The following ELF1 variants were observed in gnomAD, a reference collection of about 807,000 sequenced individuals.
The protein encoded by ELF1 is E74 like ETS transcription factor 1, also known as ETS-related transcription factor Elf-1.
A neutral mutation model predicts 59.9 loss-of-function variants in ELF1; 24 were observed. That is an observed-to-expected ratio of 0.40 (90% confidence interval 0.29 to 0.56). The LOEUF (loss-of-function observed/expected upper bound fraction) is 0.56, where lower values mean the gene tolerates loss of function less well. ELF1 is among the 20% of genes least tolerant of loss of function. ELF1 has a pLI of 0.44. For synonymous variants in ELF1, 248 were observed against 266.2 expected, an observed-to-expected ratio of 0.93 and a Z score of 0.67; for missense variants, 627 against 742.2, an observed-to-expected ratio of 0.84 and a Z score of 1.80.
At chr13:41,045,510 AAAG>A (rs1257060643) in intron 1 of ELF1, among the ~76,000 whole-genome samples, 1 of 152,196 alleles carries the variant, frequency 6.6e-6, no homozygotes, top group African/African-American at 2.4e-5. Context: ...CATTGGTTTC[AAAG>A]AACATGTTTA....
chr13:41,033,446 C>G (rs1876251343), intron 1 of ELF1, among the ~76,000 whole-genome samples: 1 of 152,100 alleles, frequency 6.6e-6, no homozygotes, highest in Non-Finnish European at 1.5e-5. Context: ...CCATACTTAG[C>G]AATAAAATGG....
intron 1 of ELF1, among the ~76,000 whole-genome samples, chr13:41,039,798 C>G (rs1341643574): frequency 6.6e-6 from 1 of 152,098 alleles, no homozygotes; most frequent in African/African-American, 2.4e-5. Flanking sequence ...AAAATTTCAA[C>G]TTTGCTGTGT....
chr13:40,982,158 G>C lies in ELF1; in HGVS notation c.-104C>G. On this transcript the variant is annotated 5_prime_UTR_variant, in exon 2 of 9. Coordinates refer to ENST00000239882, the MANE Select transcript of ELF1 (RefSeq NM_172373.4). Reference sequence around the variant, plus strand: ...ATTTGGGTAAAAAACCCTCAGCTCTGTCTGTGGAGTAATTGTATACCCAAG... The same window carrying C: ...ATTTGGGTAAAAAACCCTCAGCTCTCTCTGTGGAGTAATTGTATACCCAAG... 6.9e-7 allele frequency: 1 copy of C among 1,458,596 alleles called. No homozygotes were observed. The highest frequency in any genetic ancestry group is 2.3e-5 in the Admixed American group (1 of 43,970). 90.4% of individuals were successfully genotyped at this position (1,458,596 alleles called of 1,614,324 possible).
intron 2 of ELF1, among the ~76,000 whole-genome samples, chr13:40,973,547 A>G (rs906394496): frequency 2.0e-5 from 3 of 152,188 alleles, no homozygotes; most frequent in Non-Finnish European, 4.4e-5. Flanking sequence ...AAAAATTTTC[A>G]AGATCACATA....
At chr13:41,010,281 A>C (rs1205775913) in intron 1 of ELF1, among the ~76,000 whole-genome samples, 1 of 74,960 alleles carries the variant, frequency 1.3e-5, no homozygotes, top group Non-Finnish European at 3.1e-5. Flanking sequence ...AAAGAAAGGA[A>C]AAAAAAAAAA....
At chr13:40,967,716 CAAGTAGCTGGG>C (rs1773834751) in intron 2 of ELF1, among the ~76,000 whole-genome samples, 1 of 152,050 alleles carries the variant, frequency 6.6e-6, no homozygotes, top group African/African-American at 2.4e-5. Flanking sequence ...CTCAGTCTCC[CAAGTAGCTGGG>C]ACTATAGGCG....
intron 3 of ELF1, among the ~76,000 whole-genome samples, chr13:40,957,795 A>C (rs1871547450): frequency 6.6e-6 from 1 of 152,212 alleles, no homozygotes; most frequent in African/African-American, 2.4e-5. Context: ...ATTGACAACC[A>C]ATGTTAACAG....
intron 1 of ELF1, among the ~76,000 whole-genome samples, chr13:40,999,622 G>T (rs1874308374): frequency 6.6e-6 from 1 of 152,212 alleles, no homozygotes; most frequent in African/African-American, 2.4e-5. Flanking sequence ...TGCAAGTCAT[G>T]TAAGTGGGAT....
chr13:41,059,139 CT>C (rs2138445001), intron 1 of ELF1, among the ~76,000 whole-genome samples: 1 of 152,360 alleles, frequency 6.6e-6, no homozygotes, highest in African/African-American at 2.4e-5. Context: ...GAAAATTCCA[CT>C]TTCATTATCT....
intron 8 of ELF1, among the ~76,000 whole-genome samples, chr13:40,939,781 T>C (rs560920759): frequency 2.0e-5 from 3 of 152,322 alleles, no homozygotes; most frequent in Admixed American, 2.0e-4. Context: ...GTAAGTATAA[T>C]GCAACGATTC....
chr13:40,970,134 C>T (rs915496488), intron 2 of ELF1, among the ~76,000 whole-genome samples: 5 of 152,116 alleles, frequency 3.3e-5, no homozygotes, highest in African/African-American at 1.2e-4. Flanking sequence ...CTGCATTATC[C>T]CATCATCCCT....
At chr13:40,967,926 A>T (rs1484081014) in intron 2 of ELF1, among the ~76,000 whole-genome samples, 1 of 151,820 alleles carries the variant, frequency 6.6e-6, no homozygotes, top group African/African-American at 2.4e-5. Context: ...TGCTTTATTT[A>T]TTATTTCTTT....
chr13:40,933,269 G>A lies in ELF1; in HGVS notation c.*156C>T. On this transcript the variant is annotated 3_prime_UTR_variant, in exon 9 of 9. Transcript: ENST00000239882. ...TTAGATAACAAAGAGAAACAGTTGAGTTTTCCTCCCTCATCTAACAAAGTC... is the reference window on the plus strand; with the variant it reads ...TTAGATAACAAAGAGAAACAGTTGAATTTTCCTCCCTCATCTAACAAAGTC... 1.1e-6 allele frequency: 1 copy of A among 943,162 alleles called. No homozygotes were observed. The highest frequency in any genetic ancestry group is 1.5e-6 in the Non-Finnish European group (1 of 659,968). The allele number at this position is 943,162 out of a possible 1,614,324, so 58.4% of individuals were successfully genotyped here. A position where few individuals can be genotyped will look rare whatever the true frequency, so the allele number is the denominator to read the frequency against.
chr13:41,009,293 A>C (rs1874921692), intron 1 of ELF1, among the ~76,000 whole-genome samples: 2 of 152,142 alleles, frequency 1.3e-5, no homozygotes, highest in South Asian at 4.1e-4. Context: ...TGAAAAAAAA[A>C]AGTATAAGGT....
chr13:41,059,475 C>T lies in ELF1; in HGVS notation c.-229+1363G>A, dbSNP rs964855639. On this transcript the variant is annotated intron_variant, in intron 1 of 1. Transcript: ENST00000405737. ...GGTAAGCCTAATTAATCCTTAATCA[C>T]GCAGATCACATTAACAAATTTACTG... is the stretch of plus-strand genomic sequence containing the variant. 2.6e-5 allele frequency among the ~76,000 whole-genome samples: 4 copies of T among 152,284 alleles called. No homozygotes were observed. The South Asian group carries it at 6.2e-4, about 24-fold the overall frequency.
At chr13:40,943,961 T>C (rs1870350217) in intron 5 of ELF1, 36 bp from the exon 6 acceptor site, 5 of 1,591,996 alleles carry the variant, frequency 3.1e-6, no homozygotes, top group Admixed American at 3.5e-5. Flanking sequence ...ATATTTGCCT[T>C]CAAAAGTGAG....
chr13:40,995,590 A>T (rs913882908), intron 1 of ELF1, among the ~76,000 whole-genome samples: 5 of 152,162 alleles, frequency 3.3e-5, no homozygotes, highest in Admixed American at 1.3e-4. Flanking sequence ...CATCTTTGTC[A>T]AGGACAAAGG....
upstream of ELF1, among the ~76,000 whole-genome samples, chr13:41,021,643 T>C (rs1875694905): frequency 6.6e-6 from 1 of 152,188 alleles, no homozygotes; most frequent in Non-Finnish European, 1.5e-5. Context: ...TATCTATCAT[T>C]TAGCCTAATA....
chr13:40,988,158 A>C (rs1002017583), intron 1 of ELF1, among the ~76,000 whole-genome samples: 1 of 152,258 alleles, frequency 6.6e-6, no homozygotes, highest in Non-Finnish European at 1.5e-5. Context: ...AGTGGTATGA[A>C]GATAAACTGC....
Sources: allele counts gnomAD v4.1 joint callset (sites outside exome capture counted in the v4.1 genomes callset), GRCh38; gene constraint gnomAD v4.1.1; transcripts MANE v1.5; gene names NCBI Gene and HGNC (gene_info 2026-07-23, HGNC 2026-07-21).